ANKRD66: variants seen among roughly 807,000 people sequenced by gnomAD.
ANKRD66 encodes ankyrin repeat domain-containing protein 66.
Under a neutral mutation model 10.9 loss-of-function variants are expected in ANKRD66, and 10 were observed. The observed-to-expected ratio is 0.91, with a 90% confidence interval of 0.56 to 1.55. The LOEUF (loss-of-function observed/expected upper bound fraction) is 1.55, where lower values mean the gene tolerates loss of function less well. Ranked by LOEUF, ANKRD66 falls within the 40% of genes most tolerant of loss-of-function variation. The pLI is 0.00. For missense variants in ANKRD66, 252 were observed against 242.9 expected, an observed-to-expected ratio of 1.04 and a Z score of -0.25; for synonymous variants, 85 against 88.4, an observed-to-expected ratio of 0.96 and a Z score of 0.22.
At chr6:46,750,792 T>A (rs1766253651) in intron 2 of ANKRD66, among the ~76,000 whole-genome samples, 1 of 151,420 alleles carries the variant, frequency 6.6e-6, no homozygotes, top group Admixed American at 6.6e-5. Context: ...TGTTTGATAC[T>A]ACAACAATAT....
At chr6:46,747,968 C>T (rs1306259025) in intron 1 of ANKRD66, among the ~76,000 whole-genome samples, 1 of 152,096 alleles carries the variant, frequency 6.6e-6, no homozygotes, top group African/African-American at 2.4e-5. Flanking sequence ...TGTTTTGTGG[C>T]AATTGTTGTC....
intron 4 of ANKRD66, chr6:46,756,409 G>C (rs374289214): frequency 6.3e-6 from 1 of 159,524 alleles, no homozygotes; most frequent in Non-Finnish European, 1.4e-5. Context: ...CTTTATGTCT[G>C]CTTGTAAAAG....
chr6:46,746,994 A>C lies in ANKRD66; in HGVS notation c.-97+4A>C. ...TCCTCAAATTTCACACAAGACAGTA[A>C]GTGTTTTTAAGTTACCCTCTCTTAT... On this transcript the variant is annotated splice_donor_region_variant and intron_variant, in intron 1 of 4. Transcript: ENST00000565422. The C allele has an allele frequency of 3.3e-6, 5 of 1,535,356 alleles. No individual in the cohort carries two copies. The highest frequency in any genetic ancestry group is 4.4e-6 in the Non-Finnish European group (5 of 1,146,624).
In ANKRD66 at chr6:46,758,945, C is replaced by A; in HGVS notation, c.*24C>A. 1 of 1,518,730 alleles carries A rather than the reference C, an allele frequency of 6.6e-7. No homozygotes were observed. The highest frequency in any genetic ancestry group is 2.2e-5 in the Admixed American group (1 of 46,000). The allele number at this position is 1,518,730 out of a possible 1,614,324, so 94.1% of individuals were successfully genotyped here. A position where few individuals can be genotyped will look rare whatever the true frequency, so the allele number is the denominator to read the frequency against. ...GAGAACTCAACCTTATGTTTTCTGG[C>A]AAGGAACTTTCCCTGGTGCCAGAAA... On this transcript the variant is annotated 3_prime_UTR_variant, in exon 5 of 5. Coordinates refer to ENST00000565422, the MANE Select transcript of ANKRD66 (RefSeq NM_001162435.3).
At position 46,749,757 on chromosome 6, in the gene ANKRD66, G is replaced by A. The variant is rs1314281089; in HGVS notation, c.-96-139G>A. 12 of 910,680 alleles carry A rather than the reference G, an allele frequency of 1.3e-5. No homozygotes were observed. In the South Asian group the frequency reaches 1.5e-4, roughly 11 times the overall value. 56.4% of individuals were successfully genotyped at this position (910,680 alleles called of 1,614,324 possible). The stretch of plus-strand genomic sequence containing the variant: ...GTCGCCAATATGTCTCTGACCCATC[G>A]CATCAGGACCCAGCTTAGGCCACTT... On this transcript the variant is annotated intron_variant, in intron 1 of 4. Transcript: ENST00000565422.
At chr6:46,748,310 A>G (rs757227550) in intron 1 of ANKRD66, among the ~76,000 whole-genome samples, 1 of 152,142 alleles carries the variant, frequency 6.6e-6, no homozygotes, top group Admixed American at 6.5e-5. Context: ...TTGCTGCCTA[A>G]TGCTTCCACT....
chr6:46,750,099 C>A, intron 2 of ANKRD66, 120 bp downstream of exon 2: 1 of 589,650 alleles, frequency 1.7e-6, no homozygotes. Flanking sequence ...CAACTTAAAT[C>A]TTGAGATCAG....
chr6:46,747,641 A>G (rs1244006461), intron 1 of ANKRD66, among the ~76,000 whole-genome samples: 6 of 152,178 alleles, frequency 3.9e-5, no homozygotes, highest in Non-Finnish European at 8.8e-5. Context: ...ATTCCTTTTT[A>G]TTGCCAAATA....
chr6:46,756,313 A>C (rs951646027), intron 4 of ANKRD66: 3 of 184,112 alleles, frequency 1.6e-5, no homozygotes, highest in Admixed American at 6.3e-5. Context: ...TAAGTATCAG[A>C]ATTAGATCAG....
At chr6:46,753,311 T>C (rs1766307853) in intron 3 of ANKRD66, among the ~76,000 whole-genome samples, 1 of 152,214 alleles carries the variant, frequency 6.6e-6, no homozygotes, top group Admixed American at 6.5e-5. Flanking sequence ...TTAACCTGTG[T>C]TATTTATCAC....
chr6:46,754,003 G>C lies in ANKRD66; in HGVS notation c.392+53G>C. On this transcript the variant is annotated intron_variant, in intron 4 of 4. Transcript: ENST00000565422. ...AAGGAGCAGAGGAACAGGAGTCTGT[G>C]ATCAAGATCTTGGGTGATTCTGTGG... The C allele has an allele frequency of 3.4e-6, 5 of 1,450,270 alleles. No individual in the cohort carries two copies. The South Asian group carries it at 5.2e-5, about 15-fold the overall frequency. The allele number at this position is 1,450,270 out of a possible 1,614,324, so 89.8% of individuals were successfully genotyped here. A position where few individuals can be genotyped will look rare whatever the true frequency, so the allele number is the denominator to read the frequency against.
chr6:46,755,964 T>C, intron 4 of ANKRD66: 1 of 305,396 alleles, frequency 3.3e-6, no homozygotes, highest in South Asian at 3.0e-5. Flanking sequence ...AGTGTACAGT[T>C]CATCAGTGTT....
At position 46,749,837 on chromosome 6, in the gene ANKRD66, C is replaced by T. The variant is rs149402617; in HGVS notation, c.-96-59C>T. ...TTGTGAATGGTTCTTTCTCTCTGTC[C>T]TCTGGGCATTTAGGGCATTGCATTT... On this transcript the variant is annotated intron_variant, in intron 1 of 4. Transcript: ENST00000565422. 686 of 1,511,504 alleles carry T rather than the reference C, an allele frequency of 4.5e-4. 2 individuals are homozygous for T. The highest frequency in any genetic ancestry group is 6.9e-4 in the Middle Eastern group (4 of 5,808). The allele number at this position is 1,511,504 out of a possible 1,614,324, so 93.6% of individuals were successfully genotyped here.
chr6:46,758,341 C>T (rs927197824), intron 4 of ANKRD66: 5 of 162,160 alleles, frequency 3.1e-5, no homozygotes, highest in Non-Finnish European at 2.7e-5. Flanking sequence ...TGTTTCTGTA[C>T]TTTTAAATTT....
In ANKRD66 at chr6:46,754,638, T is replaced by C. The variant is rs192970822; in HGVS notation, c.392+688T>C. Among the ~76,000 whole-genome samples, 239 of 152,228 alleles carry C rather than the reference T, an allele frequency of 1.6e-3. 1 individual carries two copies. Among genetic ancestry groups the C allele is most frequent in the African/African-American group, 5.0e-3 (209 of 41,530 alleles). ...TTGCTTGGAAACCAAATGATATAGA[T>C]AGCAATGCCATCTATAGGGGCAGTT... On this transcript the variant is annotated intron_variant, in intron 4 of 4. Transcript: ENST00000565422.
At position 46,753,551 on chromosome 6, in the gene ANKRD66, G is replaced by T. The variant is rs115131746; in HGVS notation, c.164-171G>T. On this transcript the variant is annotated intron_variant, in intron 3 of 4. Coordinates refer to ENST00000565422, the MANE Select transcript of ANKRD66 (RefSeq NM_001162435.3). The stretch of plus-strand genomic sequence containing the variant: ...GGTTCGTGGGGTGAGGTAGGGCACT[G>T]AGTCCCTGGTGAGAAGAGGGAAAAG... 1.8e-3 allele frequency among the ~76,000 whole-genome samples: 269 copies of T among 152,264 alleles called. 1 individual carries two copies. The highest frequency in any genetic ancestry group is 6.1e-3 in the African/African-American group (252 of 41,554).
intron 4 of ANKRD66, among the ~76,000 whole-genome samples, chr6:46,754,653 TA>T (rs1430794671): frequency 6.6e-6 from 1 of 152,200 alleles, no homozygotes; most frequent in Non-Finnish European, 1.5e-5. Context: ...ATGCCATCTA[TA>T]GGGGCAGTTC....
chr6:46,747,133 T>C (rs1582603002), intron 1 of ANKRD66, 143 bp downstream of exon 1: 1 of 752,106 alleles, frequency 1.3e-6, no homozygotes, highest in Non-Finnish European at 2.0e-6. Context: ...AGATAGGAAA[T>C]CAAGTGCATT....
intron 1 of ANKRD66, among the ~76,000 whole-genome samples, chr6:46,747,314 T>A (rs1255686361): frequency 6.6e-6 from 1 of 152,216 alleles, no homozygotes; most frequent in Non-Finnish European, 1.5e-5. Context: ...TAAAATACAA[T>A]TCACATACCA....
Sources: gnomAD v4.1 joint callset for allele counts (sites outside exome capture counted in the v4.1 genomes callset) on GRCh38, gnomAD v4.1.1 for gene constraint, MANE v1.5 for transcripts, NCBI Gene and HGNC (gene_info 2026-07-23, HGNC 2026-07-21) for gene names.